The following ASAP1 variants were observed in gnomAD, a reference collection of about 807,000 sequenced individuals.
ASAP1 encodes the protein ArfGAP with SH3 domain, ankyrin repeat and PH domain 1.
In ASAP1, 43 loss-of-function variants were observed where a neutral mutation model predicts 145.2. That is an observed-to-expected ratio of 0.30 (90% CI 0.23 to 0.38). The LOEUF (loss-of-function observed/expected upper bound fraction) is 0.38, where lower values mean the gene tolerates loss of function less well. ASAP1 is among the 10% of genes least tolerant of loss of function. The probability of loss-of-function intolerance (pLI) is 1.00; values close to 1 mark genes in which losing one functional copy is unlikely to be tolerated. For synonymous variants in ASAP1, 546 were observed against 515.5 expected, an observed-to-expected ratio of 1.06 and a Z score of -0.80; for missense variants, 1,018 against 1,355.3, an observed-to-expected ratio of 0.75 and a Z score of 3.91.
At chr8:130,178,198 C>A (rs1814098531) in intron 9 of ASAP1, among the ~76,000 whole-genome samples, 1 of 152,170 alleles carries the variant, frequency 6.6e-6, no homozygotes, top group African/African-American at 2.4e-5. Flanking sequence ...GTCCAAACGA[C>A]CTTTACATTA....
intron 9 of ASAP1, among the ~76,000 whole-genome samples, chr8:130,172,684 A>G (rs145750061): frequency 6.5e-4 from 99 of 152,338 alleles, no homozygotes; most frequent in African/African-American, 2.1e-3. Flanking sequence ...CCACCATAGC[A>G]GAAAGTTCTA....
chr8:130,109,929 T>G (rs2097543957), intron 24 of ASAP1, among the ~76,000 whole-genome samples: 1 of 152,206 alleles, frequency 6.6e-6, no homozygotes, highest in Non-Finnish European at 1.5e-5. Flanking sequence ...TCTTGGTTTT[T>G]GTAGGGAGGA....
intron 1 of ASAP1, among the ~76,000 whole-genome samples, chr8:130,422,653 C>G (rs1284524542): frequency 1.3e-5 from 2 of 152,246 alleles, no homozygotes; most frequent in African/African-American, 4.8e-5. Flanking sequence ...GGGATTCACA[C>G]TCCTTGAAGT....
At chr8:130,153,359 GTATATATATA>G (rs1208128915) in intron 12 of ASAP1, among the ~76,000 whole-genome samples, 2 of 28,912 alleles carry the variant, frequency 6.9e-5, no homozygotes, top group Admixed American at 3.9e-4. Flanking sequence ...ATATATATAT[GTATATATATA>G]TATATATATA....
At position 130,180,789 on chromosome 8, in the gene ASAP1, C is replaced by G. The variant is rs1814302787; in HGVS notation, c.622G>C (p.Glu208Gln). The change falls in exon 8 of 30, where the codon GAG becomes CAG. Residue 208 changes from glutamate (E) to glutamine (Q), a missense_variant. Around this residue, in one of 9 missense-constraint regions of ASAP1, gnomAD observed 78 missense variants for 161.0 expected, o/e 0.48. Coordinates refer to ENST00000518721, the MANE Select transcript of ASAP1 (RefSeq NM_018482.4). Reference protein sequence around the residue: ...ITGAEIAEEMEKERRLFQLQM... With the variant: ...ITGAEIAEEMQKERRLFQLQM... The stretch of plus-strand genomic sequence containing the variant: ...AGCTGAAAGAGGCGCCTTTCCTTCT[C>G]CATTTCTTCCGCAATCTCAGCTCCT... 6.2e-7 allele frequency: 1 copy of G among 1,613,782 alleles called. No homozygotes were observed. The highest frequency in any genetic ancestry group is 8.5e-7 in the Non-Finnish European group (1 of 1,179,834).
intron 13 of ASAP1, among the ~76,000 whole-genome samples, 187 bp from the exon 14 acceptor site, chr8:130,137,225 T>C (rs146921078): frequency 5.9e-5 from 9 of 152,392 alleles, no homozygotes; most frequent in African/African-American, 2.2e-4. Context: ...AACAGATCTG[T>C]AGGTTTCTGC....
intron 3 of ASAP1, among the ~76,000 whole-genome samples, chr8:130,353,473 A>G (rs1347756903): frequency 6.6e-6 from 1 of 152,248 alleles, no homozygotes; most frequent in Non-Finnish European, 1.5e-5. Flanking sequence ...CAAAACTTGA[A>G]GGTGCAATGA....
At chr8:130,429,245 G>A (rs770514370) in intron 1 of ASAP1, among the ~76,000 whole-genome samples, 51 of 152,164 alleles carry the variant, frequency 3.4e-4, no homozygotes, top group Non-Finnish European at 5.9e-4. Context: ...CTGAGGTTTT[G>A]GGGGTTAGTA....
chr8:130,290,370 A>G (rs1821873698), intron 3 of ASAP1, among the ~76,000 whole-genome samples: 1 of 152,190 alleles, frequency 6.6e-6, no homozygotes, highest in Non-Finnish European at 1.5e-5. Context: ...CCCTCACATG[A>G]AATGTTCAGA....
chr8:130,171,821 C>G (rs1230953716), intron 9 of ASAP1, among the ~76,000 whole-genome samples: 2 of 152,184 alleles, frequency 1.3e-5, no homozygotes, highest in South Asian at 4.1e-4. Flanking sequence ...AAGTGTTAAC[C>G]TGAAACCAGC....
chr8:130,167,299 A>T, intron 11 of ASAP1: 1 of 517,118 alleles, frequency 1.9e-6, no homozygotes, highest in South Asian at 1.9e-5. Context: ...CTGTCTCAAA[A>T]AAGTAAAGAA....
intron 24 of ASAP1, among the ~76,000 whole-genome samples, chr8:130,105,285 T>C (rs1223286472): frequency 6.6e-6 from 1 of 152,202 alleles, no homozygotes; most frequent in Non-Finnish European, 1.5e-5. Context: ...GTAGTAGGTA[T>C]AACAAGTAAT....
Position 130,421,437 on chromosome 8 carries a change from C to T in ASAP1, c.-27-19467G>A, listed in dbSNP as rs145276196. Among the ~76,000 whole-genome samples, 129 of 152,358 alleles carry T rather than the reference C, an allele frequency of 8.5e-4. 3 individuals are homozygous for T. The highest frequency in any genetic ancestry group is 6.5e-3 in the Admixed American group (100 of 15,296). ...TTTTCTCTTCCTCCTGGGTGCATGG[C>T]TAGACTACATTTCCCAGACTCCCTT... On this transcript the variant is annotated intron_variant, in intron 1 of 29. Coordinates refer to ENST00000518721, the MANE Select transcript of ASAP1 (RefSeq NM_018482.4).
intron 5 of ASAP1, among the ~76,000 whole-genome samples, chr8:130,191,905 C>T (rs898739139): frequency 2.2e-4 from 33 of 152,062 alleles, no homozygotes; most frequent in African/African-American, 2.4e-5. Context: ...TAACCCTTTC[C>T]TGTTGTTTTC....
intron 3 of ASAP1, among the ~76,000 whole-genome samples, chr8:130,301,617 A>C (rs780171455): frequency 5.9e-5 from 9 of 152,180 alleles, no homozygotes; most frequent in Non-Finnish European, 1.3e-4. Context: ...TTCACTACCC[A>C]AAAAACCCCA....
chr8:130,191,438 CATT>C, intron 5 of ASAP1, among the ~76,000 whole-genome samples: 1 of 152,316 alleles, frequency 6.6e-6, no homozygotes, highest in East Asian at 1.9e-4. Flanking sequence ...ATCCATCCAT[CATT>C]AATAAGATAT....
chr8:130,401,071 G>A (rs1294363862), intron 2 of ASAP1, among the ~76,000 whole-genome samples: 1 of 151,252 alleles, frequency 6.6e-6, no homozygotes, highest in Non-Finnish European at 1.5e-5. Context: ...TAGTAGAGAT[G>A]GGGTTTCACC....
At chr8:130,229,984 G>A (rs1817812060) in intron 4 of ASAP1, among the ~76,000 whole-genome samples, 1 of 152,056 alleles carries the variant, frequency 6.6e-6, no homozygotes, top group Admixed American at 6.6e-5. Context: ...AGGATCACCT[G>A]AGCCTGGGAG....
At chr8:130,302,211 CATTG>C (rs886429607) in intron 3 of ASAP1, among the ~76,000 whole-genome samples, 2 of 152,190 alleles carry the variant, frequency 1.3e-5, no homozygotes, top group African/African-American at 4.8e-5. Context: ...AGTAAAAAGG[CATTG>C]ATTGTCCAGT....
Sources: gnomAD v4.1 joint callset for allele counts (sites outside exome capture counted in the v4.1 genomes callset) on GRCh38, gnomAD v4.1.1 for gene constraint, gnomAD v4.1.1 regional missense constraint, MANE v1.5 for transcripts, NCBI Gene and HGNC (gene_info 2026-07-23, HGNC 2026-07-21) for gene names.